Variants in PPP1R9A observed in about 807,000 individuals in gnomAD.
The protein encoded by PPP1R9A is neurabin-1.
Under a neutral mutation model 141.9 loss-of-function variants are expected in PPP1R9A, and 59 were observed. That is an observed-to-expected ratio of 0.42 (90% CI 0.34 to 0.52). The LOEUF (loss-of-function observed/expected upper bound fraction) is 0.52, where lower values mean the gene tolerates loss of function less well. PPP1R9A is among the 20% of genes least tolerant of loss of function. The probability of loss-of-function intolerance (pLI) is 0.10; values close to 1 mark genes in which losing one functional copy is unlikely to be tolerated. For missense variants in PPP1R9A, 1,444 were observed against 1,611.9 expected (o/e 0.90, Z 1.78); for synonymous variants, 500 against 569.7 (o/e 0.88, Z 1.74).
At chr7:94,962,807 A>G (rs1797781263) in intron 2 of PPP1R9A, among the ~76,000 whole-genome samples, 1 of 152,124 alleles carries the variant, frequency 6.6e-6, no homozygotes, top group African/African-American at 2.4e-5. Flanking sequence ...TGAAAGGACT[A>G]AGTATATTCC....
At chr7:95,283,127 G>T (rs1804593442) in intron 16 of PPP1R9A, among the ~76,000 whole-genome samples, 4 of 152,098 alleles carry the variant, frequency 2.6e-5, no homozygotes, top group African/African-American at 9.7e-5. Context: ...CACATAAACT[G>T]CTGCCTGTTC....
At chr7:95,048,751 C>T (rs1046442171) in intron 2 of PPP1R9A, among the ~76,000 whole-genome samples, 9 of 152,024 alleles carry the variant, frequency 5.9e-5, no homozygotes, top group Admixed American at 3.9e-4. Flanking sequence ...TTCACTATGC[C>T]GGTCAGGCTG....
intron 2 of PPP1R9A, among the ~76,000 whole-genome samples, chr7:95,076,377 G>C (rs1284726967): frequency 6.6e-6 from 1 of 152,118 alleles, no homozygotes; most frequent in Non-Finnish European, 1.5e-5. Flanking sequence ...CATAAGGTTA[G>C]CATAATTTCC....
chr7:95,200,971 T>C (rs1470897339), intron 6 of PPP1R9A, among the ~76,000 whole-genome samples: 2 of 152,200 alleles, frequency 1.3e-5, no homozygotes, highest in Non-Finnish European at 2.9e-5. Flanking sequence ...CAACACACTG[T>C]GCTGTTTTTG....
intron 2 of PPP1R9A, among the ~76,000 whole-genome samples, chr7:95,002,134 C>T (rs557449153): frequency 2.6e-5 from 4 of 152,224 alleles, no homozygotes; most frequent in South Asian, 2.1e-4. Flanking sequence ...AATTACCTTT[C>T]GTACTGAAAC....
chr7:95,148,452 A>G (rs1828036973), intron 4 of PPP1R9A, among the ~76,000 whole-genome samples: 1 of 152,206 alleles, frequency 6.6e-6, no homozygotes, highest in Admixed American at 6.5e-5. Context: ...GACAACCAAG[A>G]TGAAATAGAC....
chr7:95,026,507 T>C (rs1019753955), intron 2 of PPP1R9A, among the ~76,000 whole-genome samples: 2 of 152,096 alleles, frequency 1.3e-5, no homozygotes, highest in African/African-American at 2.4e-5. Flanking sequence ...GTGTGAGGTG[T>C]CTATTGGTCC....
rs552894922 is a variant in PPP1R9A, at chr7:94,977,923, C to T, written c.1395+66415C>T. Among the ~76,000 whole-genome samples, 16 of 152,008 alleles carry T rather than the reference C, an allele frequency of 1.1e-4. No homozygotes were observed. In the East Asian group the frequency reaches 1.4e-3, roughly 13 times the overall value. ...GACTACAGGCACGTGCCACCATGCC[C>T]GGCTAATTTTTGTATTTTTAGTAGA... On this transcript the variant is annotated intron_variant, in intron 2 of 19. Transcript: ENST00000433360.
At chr7:95,275,848 C>T (rs1030317698) in intron 16 of PPP1R9A, among the ~76,000 whole-genome samples, 2 of 151,992 alleles carry the variant, frequency 1.3e-5, no homozygotes, top group African/African-American at 4.8e-5. Flanking sequence ...AGAGAGAATT[C>T]CCAAATTAAT....
chr7:95,252,817 C>CGATA (rs1283253369), intron 12 of PPP1R9A, among the ~76,000 whole-genome samples: 4 of 152,240 alleles, frequency 2.6e-5, no homozygotes, highest in South Asian at 2.1e-4. Flanking sequence ...TTCATAATAT[C>CGATA]AGAAGGCAGA....
At chr7:94,939,852 C>A in intron 2 of PPP1R9A, among the ~76,000 whole-genome samples, 1 of 145,644 alleles carries the variant, frequency 6.9e-6, no homozygotes, top group Non-Finnish European at 1.5e-5. Flanking sequence ...ACACACACGT[C>A]CCAGGAGATT....
chr7:95,170,578 GAAT>G (rs1386893995), intron 5 of PPP1R9A, among the ~76,000 whole-genome samples: 1 of 151,384 alleles, frequency 6.6e-6, no homozygotes, highest in Admixed American at 6.6e-5. Flanking sequence ...CAAGGAAAGT[GAAT>G]AATAATTTAA....
chr7:95,281,587 T>G (rs1050065180), intron 16 of PPP1R9A, among the ~76,000 whole-genome samples: 2 of 152,202 alleles, frequency 1.3e-5, no homozygotes, highest in Non-Finnish European at 2.9e-5. Context: ...AGATGTGACC[T>G]TCAGATTTTT....
At chr7:95,162,143 GA>G (rs890576488) in intron 5 of PPP1R9A, among the ~76,000 whole-genome samples, 172 bp downstream of exon 5, 1 of 152,000 alleles carries the variant, frequency 6.6e-6, no homozygotes, top group African/African-American at 2.4e-5. Context: ...CATGAAAATA[GA>G]ATTTAAAATT....
At chr7:95,143,815 C>G (rs1184869757) in intron 4 of PPP1R9A, among the ~76,000 whole-genome samples, 1 of 151,846 alleles carries the variant, frequency 6.6e-6, no homozygotes, top group African/African-American at 2.4e-5. Context: ...TTTCCTAGTT[C>G]TACTTCCTGT....
At chr7:95,008,906 G>A (rs1189378004) in intron 2 of PPP1R9A, among the ~76,000 whole-genome samples, 1 of 152,098 alleles carries the variant, frequency 6.6e-6, no homozygotes, top group Non-Finnish European at 1.5e-5. Flanking sequence ...CAACCCAAAT[G>A]TCCATCAGTG....
chr7:94,970,494 T>C (rs112003917), intron 2 of PPP1R9A, among the ~76,000 whole-genome samples: 3,387 of 152,268 alleles, frequency 0.022, 123 homozygotes, highest in African/African-American at 0.077. Flanking sequence ...GTCTGTGGGC[T>C]GTACCCACTC....
chr7:95,133,910 G>T (rs1395021959), intron 4 of PPP1R9A, among the ~76,000 whole-genome samples: 1 of 152,060 alleles, frequency 6.6e-6, no homozygotes, highest in Non-Finnish European at 1.5e-5. Flanking sequence ...GGCTGGTCTT[G>T]AACCAGGCAG....
intron 2 of PPP1R9A, among the ~76,000 whole-genome samples, chr7:95,090,625 T>C (rs555246433): frequency 6.6e-6 from 1 of 151,924 alleles, no homozygotes; most frequent in East Asian, 1.9e-4. Flanking sequence ...CTGGTCAACA[T>C]AGTGAAACAC....
Sources: allele counts gnomAD v4.1 joint callset (sites outside exome capture counted in the v4.1 genomes callset), GRCh38; gene constraint gnomAD v4.1.1; transcripts MANE v1.5; gene names NCBI Gene and HGNC (gene_info 2026-07-23, HGNC 2026-07-21).